INO80D: variants seen among roughly 807,000 people sequenced by gnomAD.
INO80D encodes the protein INO80 complex subunit D.
Under a neutral mutation model 87.6 loss-of-function variants are expected in INO80D, and 21 were observed. The ratio of observed to expected loss-of-function variants is 0.24; its 90% CI spans 0.17 to 0.35. The LOEUF is 0.35. Among genes scored for constraint, INO80D ranks in the 10% least tolerant of loss-of-function variants. INO80D has a pLI of 1.00. For missense variants in INO80D, 982 were observed against 1,280.7 expected (o/e 0.77, Z 3.56); for synonymous variants, 440 against 491.0 (o/e 0.90, Z 1.37).
intron 1 of INO80D, among the ~76,000 whole-genome samples, chr2:206,071,321 A>T: frequency 1.1e-5 from 1 of 87,274 alleles, no homozygotes. Context: ...TTTTTTTTTA[A>T]GAGATGAGGT....
chr2:206,031,840 G>A (rs374945892), intron 5 of INO80D, among the ~76,000 whole-genome samples: 4 of 152,178 alleles, frequency 2.6e-5, no homozygotes, highest in East Asian at 1.9e-4. Flanking sequence ...TGCAGGATCC[G>A]GAGACACTCC....
At position 206,067,756 on chromosome 2, in the gene INO80D, C is replaced by T. The variant is rs150304534; in HGVS notation, c.-123-4512G>A. The stretch of plus-strand genomic sequence containing the variant: ...AAGCCAAACACACACGTATCTTTCA[C>T]AAATTAGTTCAAAGAAACCTATACG... On this transcript the variant is annotated intron_variant, in intron 1 of 10. Coordinates refer to ENST00000403263, the MANE Select transcript of INO80D (RefSeq NM_017759.5). Among the ~76,000 whole-genome samples, 36 of 152,230 alleles carry T rather than the reference C, an allele frequency of 2.4e-4. No individual in the cohort carries two copies. In the East Asian group the frequency reaches 5.8e-3, roughly 25 times the overall value.
At chr2:206,028,774 T>C (rs1688684382) in intron 5 of INO80D, among the ~76,000 whole-genome samples, 1 of 152,246 alleles carries the variant, frequency 6.6e-6, no homozygotes, top group Non-Finnish European at 1.5e-5. Flanking sequence ...GTTTATTATC[T>C]AAGAGCTGCC....
Position 206,043,093 on chromosome 2 carries a change from A to G in INO80D, c.1073+3411T>C, listed in dbSNP as rs573304734. ...CTGTCAGTTTTCTTTTAAAAACTCA[A>G]TGAACTTATTGAGGCATTTGGCATG... On this transcript the variant is annotated intron_variant, in intron 5 of 10. Coordinates refer to ENST00000403263, the MANE Select transcript of INO80D (RefSeq NM_017759.5). Among the ~76,000 whole-genome samples the G allele has an allele frequency of 1.1e-4, 17 of 152,364 alleles. No homozygotes were observed. The East Asian group carries it at 3.1e-3, about 28-fold the overall frequency.
intron 1 of INO80D, among the ~76,000 whole-genome samples, chr2:206,083,195 C>G (rs776444166): frequency 6.6e-6 from 1 of 152,152 alleles, no homozygotes; most frequent in Non-Finnish European, 1.5e-5. Context: ...GAAATTAATA[C>G]ATGTTTGAGG....
Position 206,005,374 on chromosome 2 carries a change from A to G in INO80D, c.2078T>C (p.Phe693Ser), listed in dbSNP as rs1575789332. The G allele has an allele frequency of 6.2e-7, 1 of 1,613,864 alleles. No homozygotes were observed. Among genetic ancestry groups the G allele is most frequent in the East Asian group, 2.2e-5 (1 of 44,874 alleles). ...TCCTGAAGCTCCAGTACCTGTGGAGAACACCCCTATTCCTCTATCTGACAA... is the reference window on the plus strand; with the variant it reads ...TCCTGAAGCTCCAGTACCTGTGGAGGACACCCCTATTCCTCTATCTGACAA... The part of the protein sequence containing the change: ...QELSDRGIGV[F>S]STGTGASGIQ... The change falls in exon 11 of 11, where the codon TTC becomes TCC. Residue 693 changes from phenylalanine (F) to serine (S), a missense_variant. Coordinates refer to ENST00000403263, the MANE Select transcript of INO80D (RefSeq NM_017759.5).
At position 206,028,135 on chromosome 2, in the gene INO80D, C is replaced by T. The variant is rs34974825; in HGVS notation, c.1274G>A (p.Arg425Gln). The T allele has an allele frequency of 1.8e-5, 28 of 1,552,346 alleles. No homozygotes were observed. Among genetic ancestry groups the T allele is most frequent in the Middle Eastern group, 2.0e-4 (1 of 4,886 alleles). Residue 425 changes from arginine (R) to glutamine (Q), a missense_variant, in exon 6 of 11, where the codon CGG becomes CAG. Arg to Gln is a conservative substitution (Grantham distance 43, BLOSUM62 1). Coordinates refer to ENST00000403263, the MANE Select transcript of INO80D (RefSeq NM_017759.5). ...ECTGQLIQEL[R>Q]RAACSRTSIS... ...CCTGGTTCGACTGCATGCAGCTCTC[C>T]GCAGTTCTTGTATTAACTGACCAGT...
intron 9 of INO80D, among the ~76,000 whole-genome samples, chr2:206,008,336 A>C (rs1383688896): frequency 7.2e-6 from 1 of 138,814 alleles, no homozygotes; most frequent in African/African-American, 2.7e-5. Flanking sequence ...GCTAGAGTGC[A>C]GTGGCATGAT....
In INO80D at chr2:206,056,727, G is replaced by C. The variant is rs818009; in HGVS notation, c.435C>G (p.Thr145=). Residue 145 remains threonine, a synonymous_variant, in exon 4 of 11, where the codon ACC becomes ACG. Coordinates refer to ENST00000403263, the MANE Select transcript of INO80D (RefSeq NM_017759.5). ...TGAAAGCAAATGGGTCTTCCAATTC[G>C]GTTTCCAGGTAGTGGAGAGGGACCC... is the stretch of plus-strand genomic sequence containing the variant. The part of the protein sequence containing the change: ...GARVPLHYLE[T]ELEDPFAFNE... 42 of 1,612,926 alleles carry C rather than the reference G, an allele frequency of 2.6e-5. No homozygotes were observed. The East Asian group carries it at 8.5e-4, about 33-fold the overall frequency.
Position 205,999,168 on chromosome 2 carries a change from T to TC in INO80D, c.*5199dup, listed in dbSNP as rs1341903391. 1 of 152,108 alleles carries TC rather than the reference T, an allele frequency of 6.6e-6. No individual in the cohort carries two copies. The highest frequency in any genetic ancestry group is 6.6e-5 in the Admixed American group (1 of 15,254). 9.4% of individuals were successfully genotyped at this position (152,108 alleles called of 1,614,324 possible). On this transcript the variant is annotated 3_prime_UTR_variant, in exon 11 of 11. Transcript: ENST00000403263. ...GTGCATACAGAGCTTACTTCAGTGG[T>TC]CCCCAGCTTAAAAAACAAACAAACA...
intron 1 of INO80D, among the ~76,000 whole-genome samples, chr2:206,082,943 TTCC>T (rs2105916021): frequency 6.6e-6 from 1 of 152,334 alleles, no homozygotes; most frequent in African/African-American, 2.4e-5. Context: ...ATATACAAAT[TTCC>T]TCCTAAAAAT....
intron 4 of INO80D, among the ~76,000 whole-genome samples, chr2:206,051,917 A>C (rs1237259857): frequency 6.6e-6 from 1 of 152,248 alleles, no homozygotes; most frequent in Non-Finnish European, 1.5e-5. Flanking sequence ...AATTACCATG[A>C]ATCAAGGCAG....
intron 1 of INO80D, among the ~76,000 whole-genome samples, chr2:206,065,237 G>A (rs180986938): frequency 4.6e-5 from 7 of 152,252 alleles, no homozygotes; most frequent in African/African-American, 9.6e-5. Context: ...TTGGGAGGCC[G>A]AGGCAGGCGG....
At position 206,056,364 on chromosome 2, in the gene INO80D, G is replaced by A. The variant is rs774907513; in HGVS notation, c.798C>T (p.Leu266=). ...CAGTGGGAGCCCTACTGGATGGCAG[G>A]AGGGGCAGAGGCCTCTTGTGAGACA... ...RQLSHKRPLP[L]LPSSRAPTVD... The change falls in exon 4 of 11, where the codon CTC becomes CTT. Residue 266 remains leucine (L), a synonymous_variant. Transcript: ENST00000403263. The A allele has an allele frequency of 3.7e-6, 6 of 1,613,984 alleles. No individual in the cohort carries two copies. The highest frequency in any genetic ancestry group is 1.1e-5 in the South Asian group (1 of 91,074).
intron 8 of INO80D, among the ~76,000 whole-genome samples, chr2:206,012,876 A>AAAG (rs1455735473): frequency 6.6e-6 from 1 of 151,262 alleles, no homozygotes; most frequent in Non-Finnish European, 1.5e-5. Flanking sequence ...TCAAAAAAAA[A>AAAG]AAAAAAAAAA....
rs768910361 is a variant in INO80D, at chr2:206,004,668, CTCTG to C, written c.2780_2783del (p.Ser927Ter). The C allele has an allele frequency of 6.2e-7, 1 of 1,613,848 alleles. No homozygotes were observed. Among genetic ancestry groups the C allele is most frequent in the South Asian group, 1.1e-5 (1 of 91,054 alleles). On this transcript the variant is annotated frameshift_variant, in exon 11 of 11. Transcript: ENST00000403263. LOFTEE classifies it high-confidence loss of function. This position sits in a 1 kb window ranked among gnomAD's most constrained non-coding sequence, Gnocchi z 4.9. ...CGGTGGCGAAGGCAGGCTGTGTGGT[CTCTG>C]AGTTCGAAGTGGTGGGTGGCGTGGA...
intron 4 of INO80D, among the ~76,000 whole-genome samples, chr2:206,049,870 G>A (rs1419769546): frequency 2.0e-5 from 3 of 152,296 alleles, no homozygotes; most frequent in Admixed American, 6.5e-5. Context: ...GGTGGCTCAC[G>A]CCTGTAATCC....
In INO80D at chr2:206,009,773, T is replaced by G. The variant is rs1379686200; in HGVS notation, c.1564A>C (p.Asn522His). 6.2e-7 allele frequency: 1 copy of G among 1,612,560 alleles called. No individual in the cohort carries two copies. The highest frequency in any genetic ancestry group is 1.7e-5 in the Admixed American group (1 of 59,738). Reference protein sequence around the residue: ...KKMDNFLRGDNSRKVQHQQQR... With the variant: ...KKMDNFLRGDHSRKVQHQQQR... ...TGCTGGTGCTGAACTTTACGGGAGT[T>G]ATCTCCTCTCAAGAAATTATCCTTT... Residue 522 changes from asparagine to histidine, a missense_variant, in exon 9 of 11, where the codon AAC (asparagine) becomes CAC (histidine). Asn to His is a moderately conservative substitution (Grantham distance 68). Coordinates refer to ENST00000403263, the MANE Select transcript of INO80D (RefSeq NM_017759.5).
Position 206,028,334 on chromosome 2 carries a change from A to C in INO80D, c.1075T>G (p.Ser359Ala), listed in dbSNP as rs776142040. Residue 359 changes from serine (S) to alanine (A), a missense_variant and splice_region_variant, in exon 6 of 11, where the codon TCA becomes GCA. Transcript: ENST00000403263. ...CTACTCTCCGCATCATCATCATCTG[A>C]CCTGGAAAGTGCAGGGAGAGAAAGG... ...RETLRYQRHASDDDDAESRSS... is the reference protein window; with the variant it reads ...RETLRYQRHAADDDDAESRSS... 3.8e-6 allele frequency: 6 copies of C among 1,585,154 alleles called. No homozygotes were observed. The highest frequency in any genetic ancestry group is 5.2e-6 in the Non-Finnish European group (6 of 1,158,708).
Sources: gnomAD v4.1 joint callset for allele counts (sites outside exome capture counted in the v4.1 genomes callset) on GRCh38, gnomAD v4.1.1 for gene constraint, Gnocchi (gnomAD v3.1) non-coding constraint, MANE v1.5 for transcripts, NCBI Gene and HGNC (gene_info 2026-07-23, HGNC 2026-07-21) for gene names.